Variants in FAM149B1 observed in about 807,000 individuals in gnomAD.
The protein encoded by FAM149B1 is primary cilium assembly protein FAM149B1.
A neutral mutation model predicts 75.3 loss-of-function variants in FAM149B1; 56 were observed. The ratio of observed to expected loss-of-function variants is 0.74; its 90% CI spans 0.60 to 0.93. The LOEUF is 0.93. Among genes scored for constraint, FAM149B1 ranks in the 40% least tolerant of loss-of-function variants. The probability of loss-of-function intolerance (pLI) is 0.00; values close to 1 mark genes in which losing one functional copy is unlikely to be tolerated. For synonymous variants in FAM149B1, 259 were observed against 256.1 expected, an observed-to-expected ratio of 1.01 and a Z score of -0.11; for missense variants, 639 against 708.4, an observed-to-expected ratio of 0.90 and a Z score of 1.11.
At chr10:73,200,383 T>A (rs182017052) in intron 5 of FAM149B1, 1 of 542,354 alleles carries the variant, frequency 1.8e-6, no homozygotes, top group East Asian at 3.9e-5. Flanking sequence ...TTCTGGCACT[T>A]GGAGATTATA....
chr10:73,199,021 G>A (rs1038490817), intron 5 of FAM149B1, among the ~76,000 whole-genome samples: 1 of 152,044 alleles, frequency 6.6e-6, no homozygotes, highest in Non-Finnish European at 1.5e-5. Context: ...ACACCTGGAA[G>A]GACTGGTTCC....
intron 5 of FAM149B1, among the ~76,000 whole-genome samples, chr10:73,198,300 G>A (rs1252012801): frequency 6.6e-6 from 1 of 152,166 alleles, no homozygotes; most frequent in Non-Finnish European, 1.5e-5. Flanking sequence ...ATTTGGCATT[G>A]ATTTCTTGGA....
At chr10:73,217,079 G>A (rs1368698364) in intron 7 of FAM149B1, among the ~76,000 whole-genome samples, 2 of 152,128 alleles carry the variant, frequency 1.3e-5, no homozygotes, top group African/African-American at 2.4e-5. Flanking sequence ...CTCTTTGTCT[G>A]GCTTCTTTCA....
chr10:73,192,437 A>G, intron 3 of FAM149B1, 119 bp from the exon 4 acceptor site: 2 of 928,902 alleles, frequency 2.2e-6, no homozygotes, highest in East Asian at 2.8e-5. Flanking sequence ...GAAACACAGC[A>G]GTATTTCAAG....
intron 8 of FAM149B1, among the ~76,000 whole-genome samples, chr10:73,228,594 A>G (rs1283453155): frequency 6.7e-6 from 1 of 149,684 alleles, no homozygotes; most frequent in Non-Finnish European, 1.5e-5. Flanking sequence ...CACCCTGTTT[A>G]TTTTTTATTT....
intron 1 of FAM149B1, among the ~76,000 whole-genome samples, chr10:73,174,043 T>C (rs990841885): frequency 6.6e-6 from 1 of 152,224 alleles, no homozygotes; most frequent in African/African-American, 2.4e-5. Flanking sequence ...AATATTTCAT[T>C]ATGTGGAAAT....
intron 5 of FAM149B1, among the ~76,000 whole-genome samples, chr10:73,203,469 T>C (rs948310618): frequency 3.9e-5 from 6 of 152,178 alleles, no homozygotes; most frequent in Non-Finnish European, 5.9e-5. Context: ...TTGTAATCTC[T>C]TTATACTTAA....
At chr10:73,233,791 C>T (rs756746513) in intron 10 of FAM149B1, among the ~76,000 whole-genome samples, 18 of 152,172 alleles carry the variant, frequency 1.2e-4, no homozygotes, top group Non-Finnish European at 2.4e-4. Context: ...CAAACATTTT[C>T]CGTGCTGGGA....
intron 13 of FAM149B1, among the ~76,000 whole-genome samples, chr10:73,240,575 G>C (rs996836744): frequency 6.6e-6 from 1 of 152,116 alleles, no homozygotes. Flanking sequence ...AGCCGGGTGT[G>C]GTGGCAGATG....
chr10:73,228,667 G>A (rs142527419), intron 8 of FAM149B1, among the ~76,000 whole-genome samples: 1 of 151,816 alleles, frequency 6.6e-6, no homozygotes, highest in East Asian at 1.9e-4. Flanking sequence ...GCATGATCTC[G>A]GCTCACTGCA....
At chr10:73,207,006 A>C (rs6480681) in intron 5 of FAM149B1, among the ~76,000 whole-genome samples, 15,646 of 152,314 alleles carry the variant, frequency 0.1, 1,175 homozygotes, top group East Asian at 0.31. Context: ...GTGGGCACAC[A>C]GAGGGCAAAG....
chr10:73,193,610 G>T lies in FAM149B1; in HGVS notation c.542+17G>T. The T allele has an allele frequency of 1.3e-6, 2 of 1,548,336 alleles. No homozygotes were observed. The highest frequency in any genetic ancestry group is 1.2e-5 in the South Asian group (1 of 83,816). On this transcript the variant is annotated intron_variant, in intron 5 of 13. Transcript: ENST00000242505. ...TTCTACTATGTGAGTATTCCATTAT[G>T]TAAGTACTTCAATGTGCCCTAATAT...
At chr10:73,207,617 C>G (rs554094845) in intron 5 of FAM149B1, among the ~76,000 whole-genome samples, 1 of 152,066 alleles carries the variant, frequency 6.6e-6, no homozygotes, top group Non-Finnish European at 1.5e-5. Flanking sequence ...GCATTCAACT[C>G]CACCCATGAG....
At chr10:73,191,637 CCTGA>C (rs1365481879) in intron 3 of FAM149B1, among the ~76,000 whole-genome samples, 1 of 152,030 alleles carries the variant, frequency 6.6e-6, no homozygotes, top group Non-Finnish European at 1.5e-5. Flanking sequence ...CTGTGCCTGG[CCTGA>C]CTATTCTTAA....
At chr10:73,206,897 A>C (rs532983254) in intron 5 of FAM149B1, among the ~76,000 whole-genome samples, 1 of 152,018 alleles carries the variant, frequency 6.6e-6, no homozygotes, top group African/African-American at 2.4e-5. Context: ...CTTGGGTGAT[A>C]CAGCAAGACT....
At chr10:73,233,865 T>C (rs1464883972) in intron 10 of FAM149B1, among the ~76,000 whole-genome samples, 1 of 152,228 alleles carries the variant, frequency 6.6e-6, no homozygotes, top group Non-Finnish European at 1.5e-5. Flanking sequence ...TTCTGTACCA[T>C]TGGGATCTGC....
chr10:73,181,422 T>C lies in FAM149B1; in HGVS notation c.282+3447T>C, dbSNP rs142098229. 4.9e-3 allele frequency among the ~76,000 whole-genome samples: 744 copies of C among 152,340 alleles called. 4 individuals are homozygous for C. Among genetic ancestry groups the C allele is most frequent in the African/African-American group, 0.017 (708 of 41,578 alleles). On this transcript the variant is annotated intron_variant, in intron 3 of 13. Transcript: ENST00000242505. The stretch of plus-strand genomic sequence containing the variant: ...TTCCCTCCTAGTATTGCTTTTGCTG[T>C]TTCCCATAGGTTTGGATATGTTGTG...
At chr10:73,229,170 G>A (rs954895688) in intron 8 of FAM149B1, among the ~76,000 whole-genome samples, 1 of 152,192 alleles carries the variant, frequency 6.6e-6, no homozygotes, top group Non-Finnish European at 1.5e-5. Context: ...GGAGGCAGAT[G>A]AGATTGGTCT....
chr10:73,243,290 A>G lies in FAM149B1; in HGVS notation c.*2271A>G. ...GTCAATCTGAAAAATTCAGGCTGGA[A>G]AGACACCTTTTCTCAAGAGCTGAAT... is the stretch of plus-strand genomic sequence containing the variant. On this transcript the variant is annotated 3_prime_UTR_variant, in exon 14 of 14. Coordinates refer to ENST00000242505, the MANE Select transcript of FAM149B1 (RefSeq NM_173348.2). 1 of 1,264,514 alleles carries G rather than the reference A, an allele frequency of 7.9e-7. No homozygotes were observed. Among genetic ancestry groups the G allele is most frequent in the Non-Finnish European group, 1.1e-6 (1 of 904,710 alleles). The allele number at this position is 1,264,514 out of a possible 1,614,324, so 78.3% of individuals were successfully genotyped here.
Sources: allele counts gnomAD v4.1 joint callset (sites outside exome capture counted in the v4.1 genomes callset), GRCh38; gene constraint gnomAD v4.1.1; transcripts MANE v1.5; gene names NCBI Gene and HGNC (gene_info 2026-07-23, HGNC 2026-07-21).